Variants in CAPN14 observed in about 807,000 individuals in gnomAD.
The protein encoded by CAPN14 is calpain-14.
A neutral mutation model predicts 101.3 loss-of-function variants in CAPN14; 94 were observed. The ratio of observed to expected loss-of-function variants is 0.93; its 90% CI spans 0.79 to 1.10. The LOEUF is 1.10. Among genes scored for constraint, CAPN14 ranks in the 50% least tolerant of loss-of-function variants. The probability of loss-of-function intolerance (pLI) is 0.00; values close to 1 mark genes in which losing one functional copy is unlikely to be tolerated. For missense variants in CAPN14, 837 were observed against 828.4 expected (o/e 1.01, Z -0.13); for synonymous variants, 338 against 317.9 (o/e 1.06, Z -0.67).
intron 5 of CAPN14, among the ~76,000 whole-genome samples, chr2:31,201,069 CCT>C (rs1681735116): frequency 6.6e-6 from 1 of 152,104 alleles, no homozygotes; most frequent in Non-Finnish European, 1.5e-5. Flanking sequence ...GCCTGGGCCC[CCT>C]GACCTCCACA....
chr2:31,177,095 C>T lies in CAPN14; in HGVS notation c.1903G>A (p.Gly635Ser), dbSNP rs1259983686. Residue 635 changes from glycine to serine, a missense_variant, in exon 20 of 22, where the codon GGC (glycine) becomes AGC (serine). Transcript: ENST00000403897. ...AAGTCCATCTGGAGGCGGGGGCCGC[C>T]GTAGCGGATGAGCATCAGCTGACAG... Reference protein sequence around the residue: ...DVCQLMLIRYGGPRLQMDFVS... With the variant: ...DVCQLMLIRYSGPRLQMDFVS... 2.6e-6 allele frequency: 4 copies of T among 1,551,392 alleles called. No individual in the cohort carries two copies. The highest frequency in any genetic ancestry group is 2.0e-5 in the Admixed American group (1 of 50,984).
intron 1 of CAPN14, among the ~76,000 whole-genome samples, chr2:31,211,183 CAGAAAGAAAGAAAAAAGAA>C (rs1344404423): frequency 1.7e-5 from 2 of 119,408 alleles, no homozygotes; most frequent in Admixed American, 1.7e-4. Context: ...GCCAATAAAA[CAGAAAGAAAGAAAAAAGAA>C]AGAAAGAAAG....
intron 1 of CAPN14, among the ~76,000 whole-genome samples, chr2:31,212,307 CAAAACAAAAAAAAAAA>C (rs1047258776): frequency 1.7e-5 from 1 of 57,652 alleles, no homozygotes; most frequent in Non-Finnish European, 3.5e-5. Context: ...AAGACCGTCT[CAAAACAAAAAAAAAAA>C]AAAACAAAAA....
At position 31,194,441 on chromosome 2, in the gene CAPN14, C is replaced by T. The variant is rs1462256494; in HGVS notation, c.918G>A (p.Leu306=). ...CTCCGTCATTGTCTTTCCTCAGAAGCAGAATCTTCTCCTTGGGGCTCAGCA... is the reference window on the plus strand; with the variant it reads ...CTCCGTCATTGTCTTTCCTCAGAAGTAGAATCTTCTCCTTGGGGCTCAGCA... ...WELLSPKEKI[L]LLRKDNDGEF... is the part of the protein sequence containing the mutation. Residue 306 remains leucine, a synonymous_variant, in exon 9 of 22, where the codon CTG becomes CTA. Coordinates refer to ENST00000403897, the MANE Select transcript of CAPN14 (RefSeq NM_001145122.2). The T allele has an allele frequency of 6.4e-7, 1 of 1,551,526 alleles. No homozygotes were observed. Among genetic ancestry groups the T allele is most frequent in the Admixed American group, 2.0e-5 (1 of 51,000 alleles).
intron 9 of CAPN14, among the ~76,000 whole-genome samples, chr2:31,193,661 T>C (rs1299940348): frequency 6.6e-6 from 1 of 152,244 alleles, no homozygotes; most frequent in Non-Finnish European, 1.5e-5. Context: ...TACATATCAG[T>C]TCTTAATCAT....
chr2:31,226,257 G>T (rs1185346747), intron 2 of CAPN14, among the ~76,000 whole-genome samples: 1 of 152,028 alleles, frequency 6.6e-6, no homozygotes, highest in East Asian at 1.9e-4. Context: ...AATATCCCAC[G>T]CTCATAGGTT....
At chr2:31,215,987 C>T (rs1281658421) in intron 1 of CAPN14, among the ~76,000 whole-genome samples, 1 of 152,040 alleles carries the variant, frequency 6.6e-6, no homozygotes, top group Non-Finnish European at 1.5e-5. Flanking sequence ...TACAAGAATA[C>T]TCACAACAGA....
chr2:31,216,567 G>A (rs1033129051), intron 1 of CAPN14, among the ~76,000 whole-genome samples: 3 of 151,964 alleles, frequency 2.0e-5, no homozygotes, highest in African/African-American at 7.3e-5. Flanking sequence ...TCTGTGAAAT[G>A]GCCAGTACCT....
chr2:31,197,294 C>G lies in CAPN14; in HGVS notation c.830G>C (p.Arg277Pro), dbSNP rs142485557. 83 of 1,551,186 alleles carry G rather than the reference C, an allele frequency of 5.4e-5. No homozygotes were observed. The African/African-American group carries it at 9.0e-4, about 17-fold the overall frequency. ...KHRPEYLVKL[R>P]NPWGKVEWKG... ...CCATTCCACCTTTCCCCAGGGGTTC[C>G]GTAGCTTGACGAGATATTCAGGTCT... Residue 277 changes from arginine to proline, a missense_variant, in exon 8 of 22, where the codon CGG (arginine) becomes CCG (proline). Arg to Pro is a moderately radical substitution (Grantham distance 103). Coordinates refer to ENST00000403897, the MANE Select transcript of CAPN14 (RefSeq NM_001145122.2).
upstream of CAPN14, among the ~76,000 whole-genome samples, chr2:31,219,005 A>C (rs953177004): frequency 4.0e-5 from 6 of 151,782 alleles, no homozygotes; most frequent in Non-Finnish European, 1.5e-5. Flanking sequence ...TTTCATTTTC[A>C]TCTCCTCATC....
chr2:31,219,730 T>G (rs1327902926), upstream of CAPN14, among the ~76,000 whole-genome samples: 1 of 152,172 alleles, frequency 6.6e-6, no homozygotes, highest in African/African-American at 2.4e-5. Flanking sequence ...GAAACACAGA[T>G]GTAGGTTCAC....
intron 1 of CAPN14, among the ~76,000 whole-genome samples, 174 bp downstream of exon 1, chr2:31,217,282 T>C (rs1293902051): frequency 6.6e-6 from 1 of 152,120 alleles, no homozygotes; most frequent in Non-Finnish European, 1.5e-5. Flanking sequence ...ATGGCAAAAC[T>C]GAGGACAAAA....
intron 2 of CAPN14, among the ~76,000 whole-genome samples, chr2:31,223,542 C>CTT (rs35488335): frequency 0.11 from 13,882 of 131,932 alleles, 1,011 homozygotes; most frequent in African/African-American, 0.19. Flanking sequence ...TTTTTCTTTT[C>CTT]TTTTTTTTTT....
intron 16 of CAPN14, among the ~76,000 whole-genome samples, chr2:31,181,462 C>G (rs1204963373): frequency 6.1e-5 from 6 of 98,594 alleles, no homozygotes; most frequent in Non-Finnish European, 1.2e-4. Context: ...CTTTTTTTCT[C>G]TTTTTCTTTC....
chr2:31,196,065 A>G lies in CAPN14; in HGVS notation c.875+1184T>C, dbSNP rs531641103. 4.0e-4 allele frequency among the ~76,000 whole-genome samples: 61 copies of G among 152,378 alleles called. 1 individual carries two copies. In the South Asian group the frequency reaches 0.012, roughly 30 times the overall value. On this transcript the variant is annotated intron_variant, in intron 8 of 21. Coordinates refer to ENST00000403897, the MANE Select transcript of CAPN14 (RefSeq NM_001145122.2). Reference sequence around the variant, plus strand: ...CAAGGATGTAAAGAGAAACACGGACATAAAAAGGGGAGAAATGGAAGATAA... The same window carrying G: ...CAAGGATGTAAAGAGAAACACGGACGTAAAAAGGGGAGAAATGGAAGATAA...
intron 2 of CAPN14, among the ~76,000 whole-genome samples, chr2:31,225,686 C>A (rs569571446): frequency 1.3e-5 from 2 of 152,066 alleles, no homozygotes; most frequent in African/African-American, 4.8e-5. Flanking sequence ...TTCCATATGG[C>A]TGAATATTAG....
chr2:31,189,346 C>T lies in CAPN14; in HGVS notation c.1420G>A (p.Val474Met), dbSNP rs201587590. The change falls in exon 13 of 22, where the codon GTG (valine) becomes ATG (methionine). Residue 474 changes from valine (V) to methionine (M), a missense_variant. Physicochemically the swap from Val to Met is conservative, Grantham distance 21. Coordinates refer to ENST00000403897, the MANE Select transcript of CAPN14 (RefSeq NM_001145122.2). ...TGGTGGGCCTCCAATATGCAGGGCA[C>T]GATGAGGTACGTCCCTGGTTCCAGA... ...LCLEPGTYLI[V>M]PCILEAHQKS... is the part of the protein sequence containing the mutation. The T allele has an allele frequency of 4.6e-5, 71 of 1,551,624 alleles. No homozygotes were observed. The highest frequency in any genetic ancestry group is 5.7e-5 in the Non-Finnish European group (65 of 1,146,902).
intron 1 of CAPN14, among the ~76,000 whole-genome samples, chr2:31,209,891 A>G (rs918326891): frequency 6.6e-6 from 1 of 152,178 alleles, no homozygotes; most frequent in African/African-American, 2.4e-5. Flanking sequence ...AAAGAAAAAA[A>G]AAATTGAGAG....
At chr2:31,218,903 C>T (rs1682768330), upstream of CAPN14, among the ~76,000 whole-genome samples, 1 of 152,192 alleles carries the variant, frequency 6.6e-6, no homozygotes, top group African/African-American at 2.4e-5. Context: ...AGCCACCCTT[C>T]CTCGCATGGG....
Sources: gnomAD v4.1 joint callset for allele counts (sites outside exome capture counted in the v4.1 genomes callset) on GRCh38, gnomAD v4.1.1 for gene constraint, MANE v1.5 for transcripts, NCBI Gene and HGNC (gene_info 2026-07-23, HGNC 2026-07-21) for gene names.